Variants in ADAMTSL3 observed in about 807,000 individuals in gnomAD.
ADAMTSL3 encodes ADAMTS like 3.
Under a neutral mutation model 201.7 loss-of-function variants are expected in ADAMTSL3, and 128 were observed. The ratio of observed to expected loss-of-function variants is 0.63; its 90% CI spans 0.55 to 0.73. ADAMTSL3 has a LOEUF of 0.73. Among genes scored for constraint, ADAMTSL3 ranks in the 30% least tolerant of loss-of-function variants. The probability of loss-of-function intolerance (pLI) is 0.00; values close to 1 mark genes in which losing one functional copy is unlikely to be tolerated. For synonymous variants in ADAMTSL3, 738 were observed against 748.4 expected, an observed-to-expected ratio of 0.99 and a Z score of 0.23; for missense variants, 1,990 against 2,119.6, an observed-to-expected ratio of 0.94 and a Z score of 1.20.
chr15:83,681,665 G>C (rs1020213890), intron 2 of ADAMTSL3, among the ~76,000 whole-genome samples: 1 of 152,186 alleles, frequency 6.6e-6, no homozygotes. Context: ...GGCTGTGGAA[G>C]CTGGGGTCAT....
chr15:83,695,992 C>T (rs992686173), intron 2 of ADAMTSL3, among the ~76,000 whole-genome samples: 22 of 152,106 alleles, frequency 1.4e-4, no homozygotes, highest in African/African-American at 5.3e-4. Flanking sequence ...CCTCATGGGC[C>T]TTGGAAGCTA....
chr15:83,764,963 C>G (rs1006536742), intron 3 of ADAMTSL3, among the ~76,000 whole-genome samples: 4 of 152,034 alleles, frequency 2.6e-5, no homozygotes, highest in African/African-American at 9.7e-5. Context: ...TAGTGAAGGG[C>G]TTTAAAGGTG....
intron 2 of ADAMTSL3, among the ~76,000 whole-genome samples, chr15:83,689,691 T>C (rs1478320147): frequency 6.6e-6 from 1 of 152,258 alleles, no homozygotes; most frequent in Non-Finnish European, 1.5e-5. Flanking sequence ...AAATCTGCCT[T>C]CATTTTAGAG....
At position 83,900,129 on chromosome 15, in the gene ADAMTSL3, G is replaced by A. The variant is rs534486334; in HGVS notation, c.1700+398G>A. Among the ~76,000 whole-genome samples the A allele has an allele frequency of 8.5e-5, 13 of 152,288 alleles. No individual in the cohort carries two copies. In the East Asian group the frequency reaches 1.3e-3, roughly 16 times the overall value. The stretch of plus-strand genomic sequence containing the variant: ...TCAATTAAGTTGAAATGCATTAGTC[G>A]CCTGAGTGATCATAGGGAAATGGAA... On this transcript the variant is annotated intron_variant, in intron 15 of 29. Transcript: ENST00000286744.
intron 9 of ADAMTSL3, among the ~76,000 whole-genome samples, chr15:83,883,951 G>C (rs1309541657): frequency 1.3e-5 from 2 of 150,884 alleles, no homozygotes; most frequent in Non-Finnish European, 2.9e-5. Flanking sequence ...GGAGTGCAAT[G>C]GTGCGATCTC....
At chr15:83,710,656 C>T (rs1479909074) in intron 3 of ADAMTSL3, among the ~76,000 whole-genome samples, 1 of 152,184 alleles carries the variant, frequency 6.6e-6, no homozygotes, top group Non-Finnish European at 1.5e-5. Context: ...TCTTCTCTTT[C>T]CTTCCTGGGA....
In ADAMTSL3 at chr15:83,988,619, T is replaced by C. The variant is rs946812101; in HGVS notation, c.3717-72T>C. The C allele has an allele frequency of 3.0e-6, 4 of 1,342,470 alleles. No individual in the cohort carries two copies. The African/African-American group carries it at 5.9e-5, about 20-fold the overall frequency. The allele number at this position is 1,342,470 out of a possible 1,614,324, so 83.2% of individuals were successfully genotyped here. ...GCCTGTAATGGTGCAGTCTTCTTTC[T>C]CTGCAACTCACTGTAGCCCTAGGTC... On this transcript the variant is annotated intron_variant, in intron 21 of 29. Coordinates refer to ENST00000286744, the MANE Select transcript of ADAMTSL3 (RefSeq NM_207517.3).
At chr15:83,878,994 G>A (rs577974752) in intron 9 of ADAMTSL3, among the ~76,000 whole-genome samples, 1 of 151,756 alleles carries the variant, frequency 6.6e-6, no homozygotes, top group Non-Finnish European at 1.5e-5. Context: ...TCTTATGTCC[G>A]TTTTGTTTCA....
chr15:83,929,675 C>A (rs1477389071), intron 17 of ADAMTSL3, among the ~76,000 whole-genome samples: 1 of 133,788 alleles, frequency 7.5e-6, no homozygotes, highest in Non-Finnish European at 1.6e-5. Context: ...CTCCTGTCAC[C>A]TCTACCACAC....
chr15:83,941,005 A>G (rs962777955), intron 17 of ADAMTSL3, among the ~76,000 whole-genome samples: 5 of 152,028 alleles, frequency 3.3e-5, no homozygotes, highest in African/African-American at 9.7e-5. Context: ...TAAATCTCCT[A>G]TATTCTTATT....
chr15:83,762,006 C>T (rs1231453599), intron 3 of ADAMTSL3, among the ~76,000 whole-genome samples: 1 of 151,976 alleles, frequency 6.6e-6, no homozygotes, highest in African/African-American at 2.4e-5. Context: ...TCCTGCAGGG[C>T]CCGTGGTTTC....
At chr15:83,966,505 A>G (rs896468898) in intron 19 of ADAMTSL3, among the ~76,000 whole-genome samples, 4 of 152,212 alleles carry the variant, frequency 2.6e-5, no homozygotes, top group African/African-American at 4.8e-5. Flanking sequence ...GAATAGACCA[A>G]TAACAAGTTC....
In ADAMTSL3 at chr15:83,843,810, G is replaced by T. The variant is rs1567183754; in HGVS notation, c.727+5595G>T. Among the ~76,000 whole-genome samples the T allele has an allele frequency of 2.0e-5, 3 of 152,204 alleles. No individual in the cohort carries two copies. The South Asian group carries it at 6.2e-4, about 31-fold the overall frequency. On this transcript the variant is annotated intron_variant, in intron 7 of 29. Transcript: ENST00000286744. ...TCACGCAGTGAGGCAGACACAAGGT[G>T]TAAGAGCCTGGAGCCAAAACCTTTG...
At chr15:83,663,232 C>G (rs1395422650) in intron 2 of ADAMTSL3, among the ~76,000 whole-genome samples, 1 of 152,186 alleles carries the variant, frequency 6.6e-6, no homozygotes, top group East Asian at 1.9e-4. Context: ...AGGGAGAGAT[C>G]AGCAGACCCA....
intron 2 of ADAMTSL3, among the ~76,000 whole-genome samples, chr15:83,686,678 C>T (rs1233972174): frequency 6.6e-6 from 1 of 151,978 alleles, no homozygotes; most frequent in Admixed American, 6.6e-5. Context: ...TTTGTGAAGC[C>T]CCTTTAGGTA....
At chr15:83,723,758 GT>G (rs1328460785) in intron 3 of ADAMTSL3, among the ~76,000 whole-genome samples, 4 of 152,030 alleles carry the variant, frequency 2.6e-5, no homozygotes, top group Admixed American at 2.6e-4. Context: ...AAAAATAACA[GT>G]GGTTATCACT....
At chr15:83,983,472 A>C in intron 21 of ADAMTSL3, 128 bp downstream of exon 21, 4 of 743,390 alleles carry the variant, frequency 5.4e-6, no homozygotes, top group Non-Finnish European at 8.2e-6. Context: ...TAGGAAAGAA[A>C]CTAAAAAATG....
At chr15:83,660,283 C>G (rs527370319) in intron 2 of ADAMTSL3, among the ~76,000 whole-genome samples, 193 of 152,318 alleles carry the variant, frequency 1.3e-3, no homozygotes, top group African/African-American at 4.5e-3. Context: ...ATTTCACCAT[C>G]CAAGTTCCCC....
At chr15:83,789,357 G>C (rs971250286) in intron 4 of ADAMTSL3, among the ~76,000 whole-genome samples, 12 of 152,084 alleles carry the variant, frequency 7.9e-5, no homozygotes, top group Non-Finnish European at 7.4e-5. Context: ...ATCTCTGAGA[G>C]TATGAATAGA....
Sources: allele counts gnomAD v4.1 joint callset (sites outside exome capture counted in the v4.1 genomes callset), GRCh38; gene constraint gnomAD v4.1.1; transcripts MANE v1.5; gene names NCBI Gene and HGNC (gene_info 2026-07-23, HGNC 2026-07-21).